Variants in PLEKHA1 observed in about 807,000 individuals in gnomAD.
The protein encoded by PLEKHA1 is pleckstrin homology domain containing A1, also known as pleckstrin homology domain-containing family A member 1.
In PLEKHA1, 34 loss-of-function variants were observed where a neutral mutation model predicts 52.0. That is an observed-to-expected ratio of 0.65 (90% CI 0.50 to 0.87). The LOEUF is 0.87. PLEKHA1 is among the 40% of genes least tolerant of loss of function. The pLI, the probability that PLEKHA1 is intolerant of heterozygous loss-of-function variation, is 0.00. For synonymous variants in PLEKHA1, 163 were observed against 170.7 expected (o/e 0.95, Z 0.35); for missense variants, 497 against 504.2 (o/e 0.99, Z 0.14).
intron 8 of PLEKHA1, chr10:122,420,156 G>T (rs926082703): frequency 6.6e-6 from 1 of 152,174 alleles, no homozygotes; most frequent in Non-Finnish European, 1.5e-5. Flanking sequence ...ACAAAGAATG[G>T]CTTGGAGTGA....
Position 122,432,055 on chromosome 10 carries a change from T to G in PLEKHA1, c.*2117T>G, listed in dbSNP as rs2097420478. The G allele has an allele frequency of 6.6e-6, 1 of 152,218 alleles. No individual in the cohort carries two copies. Among genetic ancestry groups the G allele is most frequent in the Non-Finnish European group, 1.5e-5 (1 of 68,032 alleles). 9.4% of individuals were successfully genotyped at this position (152,218 alleles called of 1,614,324 possible). On this transcript the variant is annotated 3_prime_UTR_variant, in exon 12 of 12. Coordinates refer to ENST00000368990, the MANE Select transcript of PLEKHA1 (RefSeq NM_001001974.4). Reference sequence around the variant, plus strand: ...CTTGTTCGATAGCATAGGAAAATGTTCTGGTGATTGTCAGGGTCTCCTAAT... The same window carrying G: ...CTTGTTCGATAGCATAGGAAAATGTGCTGGTGATTGTCAGGGTCTCCTAAT...
At position 122,400,405 on chromosome 10, in the gene PLEKHA1, T is replaced by C. The variant is rs1363033160; in HGVS notation, c.244+17T>C. 1.3e-6 allele frequency: 2 copies of C among 1,597,306 alleles called. No individual in the cohort carries two copies. The highest frequency in any genetic ancestry group is 2.3e-5 in the South Asian group (2 of 88,082). ...TCTGTTTTGGTAAGTAGCCATGTTATATATATTTTAAATAGACTGATATAA... is the reference window on the plus strand; with the variant it reads ...TCTGTTTTGGTAAGTAGCCATGTTACATATATTTTAAATAGACTGATATAA... On this transcript the variant is annotated intron_variant, in intron 4 of 11. Transcript: ENST00000368990.
At chr10:122,426,014 A>G (rs1333752447) in intron 10 of PLEKHA1, among the ~76,000 whole-genome samples, 2 of 152,128 alleles carry the variant, frequency 1.3e-5, no homozygotes, top group Non-Finnish European at 2.9e-5. Flanking sequence ...GAACTGCACC[A>G]TACTCCATTG....
intron 4 of PLEKHA1, among the ~76,000 whole-genome samples, chr10:122,405,555 T>G (rs374541552): frequency 6.6e-6 from 1 of 150,868 alleles, no homozygotes; most frequent in Non-Finnish European, 1.5e-5. Context: ...CCAATTAGGT[T>G]GTTAAAGAGT....
chr10:122,394,651 T>G (rs2096826455), intron 2 of PLEKHA1, among the ~76,000 whole-genome samples: 1 of 152,164 alleles, frequency 6.6e-6, no homozygotes, highest in Non-Finnish European at 1.5e-5. Context: ...TTAGACAAGA[T>G]ATATATGTGT....
In PLEKHA1 at chr10:122,376,441, T is replaced by G. The variant is rs146880160; in HGVS notation, c.-21+1635T>G. 3.9e-3 allele frequency among the ~76,000 whole-genome samples: 583 copies of G among 151,020 alleles called. 3 individuals are homozygous for G. Among genetic ancestry groups the G allele is most frequent in the African/African-American group, 0.013 (557 of 41,312 alleles). ...CCTTACACTGTATCTACTGACAGTT[T>G]TCTCTTGTAGCGTATACCTGTATCA... On this transcript the variant is annotated intron_variant, in intron 1 of 11. Coordinates refer to ENST00000368990, the MANE Select transcript of PLEKHA1 (RefSeq NM_001001974.4).
chr10:122,429,506 G>A, intron 11 of PLEKHA1, 118 bp from the exon 12 acceptor site: 1 of 797,524 alleles, frequency 1.3e-6, no homozygotes, highest in African/African-American at 1.7e-5. Context: ...GTGTGTGTGT[G>A]TGTGTGTGTG....
intron 1 of PLEKHA1, among the ~76,000 whole-genome samples, chr10:122,381,644 C>A (rs992781479): frequency 6.6e-6 from 1 of 152,174 alleles, no homozygotes; most frequent in Admixed American, 6.6e-5. Flanking sequence ...AATTAAACCT[C>A]TTTTCTTTGT....
At chr10:122,414,872 C>T (rs1342335614) in intron 6 of PLEKHA1, among the ~76,000 whole-genome samples, 1 of 150,064 alleles carries the variant, frequency 6.7e-6, no homozygotes, top group African/African-American at 2.4e-5. Flanking sequence ...CTCTGAAAAA[C>T]AGTTTAGTGT....
chr10:122,441,766 A>G, the PLEKHA1 span: 5 of 152,150 alleles, frequency 3.3e-5, no homozygotes, highest in Non-Finnish European at 7.4e-5. Context: ...GGAATCAAAG[A>G]AAGGTGGTTA....
At chr10:122,403,555 T>C (rs1031137636) in intron 4 of PLEKHA1, among the ~76,000 whole-genome samples, 4 of 151,986 alleles carry the variant, frequency 2.6e-5, no homozygotes, top group Non-Finnish European at 5.9e-5. Flanking sequence ...TTATTCACAA[T>C]GAAACCCTTG....
At chr10:122,426,880 G>T in intron 10 of PLEKHA1, 62 bp from the exon 11 acceptor site, 1 of 1,309,502 alleles carries the variant, frequency 7.6e-7, no homozygotes, top group Non-Finnish European at 1.1e-6. Flanking sequence ...TAAATACATT[G>T]GCTGTATAGA....
In PLEKHA1 at chr10:122,384,207, G is replaced by A. The variant is rs531648366; in HGVS notation, c.-20-8974G>A. 1.3e-3 allele frequency among the ~76,000 whole-genome samples: 205 copies of A among 152,064 alleles called. 1 individual carries two copies. The highest frequency in any genetic ancestry group is 1.2e-3 in the African/African-American group (48 of 41,482). ...ATATTTCCCTTAACATTTTTTGCAA[G>A]CTCTTTAAATGCTAGGGAGATTAGC... On this transcript the variant is annotated intron_variant, in intron 1 of 11. Transcript: ENST00000368990.
the PLEKHA1 span, chr10:122,442,533 T>C: frequency 6.6e-6 from 1 of 152,246 alleles, no homozygotes; most frequent in African/African-American, 2.4e-5. Flanking sequence ...TGTAAAAATC[T>C]GTAGCCTCTG....
At chr10:122,423,425 C>CAAA (rs201686891) in intron 8 of PLEKHA1, 26 of 127,830 alleles carry the variant, frequency 2.0e-4, no homozygotes, top group African/African-American at 2.9e-4. Context: ...AACTCCATCT[C>CAAA]AAAAAAAAAA....
chr10:122,379,263 ATGG>A (rs1565102657), intron 1 of PLEKHA1, among the ~76,000 whole-genome samples: 2 of 152,270 alleles, frequency 1.3e-5, no homozygotes, highest in South Asian at 4.1e-4. Context: ...TATTTTGATA[ATGG>A]CAAAACAACT....
chr10:122,422,986 C>G (rs1173110445), intron 8 of PLEKHA1: 2 of 152,022 alleles, frequency 1.3e-5, no homozygotes, highest in African/African-American at 4.8e-5. Context: ...AAAATATCAA[C>G]AGTTTAGAAA....
intron 5 of PLEKHA1, among the ~76,000 whole-genome samples, chr10:122,409,185 A>T (rs1277696993): frequency 6.6e-6 from 1 of 152,166 alleles, no homozygotes; most frequent in Admixed American, 6.5e-5. Flanking sequence ...TCAACTTATG[A>T]TGGGGTTACA....
At chr10:122,376,186 G>A (rs2096532192) in intron 1 of PLEKHA1, among the ~76,000 whole-genome samples, 2 of 152,190 alleles carry the variant, frequency 1.3e-5, no homozygotes, top group South Asian at 2.1e-4. Context: ...AAAATAATAA[G>A]ATTTATTCTG....
Sources: gnomAD v4.1 joint callset for allele counts (sites outside exome capture counted in the v4.1 genomes callset) on GRCh38, gnomAD v4.1.1 for gene constraint, MANE v1.5 for transcripts, NCBI Gene and HGNC (gene_info 2026-07-23, HGNC 2026-07-21) for gene names.